ACSM1: variants seen among roughly 807,000 people sequenced by gnomAD.
The protein encoded by ACSM1 is acyl-coenzyme A synthetase ACSM1, mitochondrial.
A neutral mutation model predicts 75.8 loss-of-function variants in ACSM1; 79 were observed. That is an observed-to-expected ratio of 1.04 (90% CI 0.87 to 1.26). The LOEUF (loss-of-function observed/expected upper bound fraction) is 1.26, where lower values mean the gene tolerates loss of function less well. ACSM1 is among the 50% of genes most tolerant of loss of function. ACSM1 has a pLI of 0.00. For missense variants in ACSM1, 676 were observed against 720.1 expected (o/e 0.94, Z 0.70); for synonymous variants, 279 against 265.8 (o/e 1.05, Z -0.48).
intron 4 of ACSM1, chr16:20,679,734 C>A (rs561306119): frequency 6.6e-6 from 1 of 152,266 alleles, no homozygotes; most frequent in East Asian, 1.9e-4. Flanking sequence ...AGTTAGGAAC[C>A]TGCACATACA....
intron 5 of ACSM1, 27 bp from the exon 6 acceptor site, chr16:20,670,013 C>CT (rs1460945239): frequency 5.6e-6 from 9 of 1,611,976 alleles, no homozygotes; most frequent in South Asian, 2.2e-5. Context: ...GTGGCCTCAG[C>CT]TGTGTGATCA....
At chr16:20,628,994 A>C (rs1467408532) in intron 10 of ACSM1, among the ~76,000 whole-genome samples, 1 of 152,178 alleles carries the variant, frequency 6.6e-6, no homozygotes, top group African/African-American at 2.4e-5. Flanking sequence ...ATCAAATTAC[A>C]TCCCTTTTTG....
At chr16:20,651,127 C>T (rs2018623243) in intron 7 of ACSM1, among the ~76,000 whole-genome samples, 1 of 152,040 alleles carries the variant, frequency 6.6e-6, no homozygotes, top group South Asian at 2.1e-4. Flanking sequence ...CTCTTCATAC[C>T]TTATGATGTA....
intron 1 of ACSM1, among the ~76,000 whole-genome samples, chr16:20,695,390 C>T (rs2079683815): frequency 6.6e-6 from 1 of 152,166 alleles, no homozygotes; most frequent in Non-Finnish European, 1.5e-5. Flanking sequence ...AGAGCTGTTG[C>T]TAGTTAACAC....
rs192067377 is a variant in ACSM1, at chr16:20,648,338, A to C, written c.993-7754T>G. Among the ~76,000 whole-genome samples, 2 of 152,260 alleles carry C rather than the reference A, an allele frequency of 1.3e-5. No homozygotes were observed. The highest frequency in any genetic ancestry group is 3.9e-4 in the East Asian group (2 of 5,182). ...TCTTGCCACTCAACCTGATTTACCAACATAACCTGTTTCTGGCCATGCTCT... is the reference window on the plus strand; with the variant it reads ...TCTTGCCACTCAACCTGATTTACCACCATAACCTGTTTCTGGCCATGCTCT... On this transcript the variant is annotated intron_variant, in intron 7 of 13. Coordinates refer to ENST00000520010, the MANE Select transcript of ACSM1 (RefSeq NM_001318890.3). The surrounding 1 kb of genome is among the most constrained non-coding windows in gnomAD (Gnocchi z 4.2).
chr16:20,671,486 G>C, intron 5 of ACSM1, 45 bp downstream of exon 5: 4 of 1,533,274 alleles, frequency 2.6e-6, no homozygotes, highest in Non-Finnish European at 1.8e-6. Context: ...CACAAACTTT[G>C]CCCACATCTG....
chr16:20,656,842 G>A (rs1210304630), intron 7 of ACSM1, among the ~76,000 whole-genome samples: 3 of 151,110 alleles, frequency 2.0e-5, no homozygotes, highest in Non-Finnish European at 4.4e-5. Context: ...GTAAGGGCCA[G>A]CTTTGAGGGA....
chr16:20,673,269 G>T (rs2020069307), intron 4 of ACSM1, among the ~76,000 whole-genome samples: 1 of 151,910 alleles, frequency 6.6e-6, no homozygotes, highest in Non-Finnish European at 1.5e-5. Flanking sequence ...AATTGTAAAT[G>T]CAAGGCTTCT....
intron 4 of ACSM1, among the ~76,000 whole-genome samples, chr16:20,672,074 A>G (rs1248824492): frequency 6.6e-6 from 1 of 152,024 alleles, no homozygotes; most frequent in East Asian, 1.9e-4. Flanking sequence ...TACTCTAATC[A>G]TGCCCATTTT....
intron 7 of ACSM1, among the ~76,000 whole-genome samples, chr16:20,650,251 C>G (rs1362913929): frequency 6.6e-6 from 1 of 152,118 alleles, no homozygotes; most frequent in East Asian, 1.9e-4. Flanking sequence ...TTTGGTTCAT[C>G]TCAGTGCATT....
intron 7 of ACSM1, among the ~76,000 whole-genome samples, chr16:20,643,591 G>A (rs2018194465): frequency 6.6e-6 from 1 of 152,210 alleles, no homozygotes; most frequent in Non-Finnish European, 1.5e-5. Flanking sequence ...CCCAAAGAGT[G>A]AGCAGCTGTA....
In ACSM1 at chr16:20,691,022, A is replaced by T; in HGVS notation, c.167T>A (p.Leu56Gln). Residue 56 changes from leucine to glutamine, a missense_variant, in exon 2 of 14, where the codon CTG (leucine) becomes CAG (glutamine). By Grantham distance (113) the Leu-to-Gln change is moderately radical. Coordinates refer to ENST00000520010, the MANE Select transcript of ACSM1 (RefSeq NM_001318890.3). Reference sequence around the variant, plus strand: ...CTTCTCCTTTTGAGCCCAGTAGTCCAGTACATAACTTGCAAAGTTAAATTC... The same window carrying T: ...CTTCTCCTTTTGAGCCCAGTAGTCCTGTACATAACTTGCAAAGTTAAATTC... ...PEEFNFASYVLDYWAQKEKEG... is the reference protein window; with the variant it reads ...PEEFNFASYVQDYWAQKEKEG... 6.2e-7 allele frequency: 1 copy of T among 1,613,390 alleles called. No individual in the cohort carries two copies. Among genetic ancestry groups the T allele is most frequent in the Non-Finnish European group, 8.5e-7 (1 of 1,179,728 alleles).
intron 6 of ACSM1, among the ~76,000 whole-genome samples, chr16:20,667,323 A>AAAT (rs2019624509): frequency 6.6e-6 from 1 of 152,186 alleles, no homozygotes; most frequent in African/African-American, 2.4e-5. Context: ...AGTAAAACCC[A>AAAT]AATAATCCAA....
chr16:20,672,829 T>A (rs2020033260), intron 4 of ACSM1, among the ~76,000 whole-genome samples: 1 of 127,676 alleles, frequency 7.8e-6, no homozygotes, highest in African/African-American at 3.1e-5. Context: ...TTATATAATA[T>A]ATAAAAATAT....
intron 10 of ACSM1, among the ~76,000 whole-genome samples, 174 bp downstream of exon 10, chr16:20,636,565 G>T (rs163238): frequency 0.29 from 44,533 of 152,044 alleles, 7,967 homozygotes; most frequent in African/African-American, 0.5. Context: ...AAAAGTTCCA[G>T]GTGGGTTCAG....
At chr16:20,665,097 A>C (rs1381451632) in intron 6 of ACSM1, among the ~76,000 whole-genome samples, 1 of 152,164 alleles carries the variant, frequency 6.6e-6, no homozygotes, top group East Asian at 1.9e-4. Context: ...CTAGGAAAAA[A>C]AAGAACAACC....
intron 1 of ACSM1, among the ~76,000 whole-genome samples, chr16:20,692,024 T>G (rs1395664963): frequency 6.6e-6 from 1 of 152,128 alleles, no homozygotes; most frequent in Non-Finnish European, 1.5e-5. Context: ...CCCTGTCTTG[T>G]TAATATTCTC....
chr16:20,662,008 TACTG>T, intron 6 of ACSM1, 135 bp from the exon 7 acceptor site: 1 of 515,216 alleles, frequency 1.9e-6, no homozygotes, highest in South Asian at 3.0e-5. Context: ...AATACACACA[TACTG>T]AGCATGGATT....
chr16:20,660,179 C>T (rs1175284578), intron 7 of ACSM1, among the ~76,000 whole-genome samples: 1 of 152,194 alleles, frequency 6.6e-6, no homozygotes, highest in Non-Finnish European at 1.5e-5. Flanking sequence ...CTATGTACAG[C>T]ATGTGATATA....
Sources: gnomAD v4.1 joint callset for allele counts (sites outside exome capture counted in the v4.1 genomes callset) on GRCh38, gnomAD v4.1.1 for gene constraint, Gnocchi (gnomAD v3.1) non-coding constraint, MANE v1.5 for transcripts, NCBI Gene and HGNC (gene_info 2026-07-23, HGNC 2026-07-21) for gene names.